The following UXS1 variants were observed in gnomAD, a reference collection of about 807,000 sequenced individuals.
UXS1 encodes the protein UDP-glucuronic acid decarboxylase 1.
In UXS1, 33 loss-of-function variants were observed where a neutral mutation model predicts 62.6. That is an observed-to-expected ratio of 0.53 (90% CI 0.40 to 0.70). The LOEUF (loss-of-function observed/expected upper bound fraction) is 0.70, where lower values mean the gene tolerates loss of function less well. UXS1 is among the 30% of genes least tolerant of loss of function. The probability of loss-of-function intolerance (pLI) is 0.00; values close to 1 mark genes in which losing one functional copy is unlikely to be tolerated. For missense variants in UXS1, 434 were observed against 556.3 expected (o/e 0.78, Z 2.21); for synonymous variants, 213 against 206.8 (o/e 1.03, Z -0.26).
At position 106,094,166 on chromosome 2, in the gene UXS1, A is replaced by G. The variant is rs1373478415; in HGVS notation, c.1147-9T>C. On this transcript the variant is annotated splice_polypyrimidine_tract_variant and intron_variant, in intron 14 of 14. Transcript: ENST00000283148. ...CCTTCCTCCAGCGGGACCTGTTTAA[A>G]GGGAAAGCAAGAAAGGGAGACAAGG... The G allele has an allele frequency of 1.2e-6, 2 of 1,607,986 alleles. No individual in the cohort carries two copies. The highest frequency in any genetic ancestry group is 1.7e-5 in the Admixed American group (1 of 59,264).
chr2:106,100,885 T>G, intron 12 of UXS1, 173 bp downstream of exon 12: 1 of 800,388 alleles, frequency 1.2e-6, no homozygotes, highest in Non-Finnish European at 2.0e-6. Flanking sequence ...TTTACTTCTT[T>G]GTATACTCTT....
rs116693573 is a variant in UXS1 at position 106,128,858 on chromosome 2, A to T, written c.577+816T>A. Among the ~76,000 whole-genome samples the T allele has an allele frequency of 2.7e-3, 412 of 152,282 alleles. 1 individual carries two copies. Among genetic ancestry groups the T allele is most frequent in the African/African-American group, 9.3e-3 (388 of 41,546 alleles). ...TCGACTCCACGCTTTGTTCAAATTA[A>T]AATTTAGTGCTGTATGTCCCAAGTC... On this transcript the variant is annotated intron_variant, in intron 7 of 14. Transcript: ENST00000283148.
chr2:106,143,331 C>T (rs1681278491), intron 6 of UXS1, among the ~76,000 whole-genome samples: 1 of 135,936 alleles, frequency 7.4e-6, no homozygotes. Context: ...ATGGCGTGAA[C>T]CCGGGAGGCA....
intron 9 of UXS1, among the ~76,000 whole-genome samples, chr2:106,114,382 C>CTCT (rs1678895180): frequency 1.3e-5 from 2 of 152,200 alleles, no homozygotes; most frequent in Non-Finnish European, 2.9e-5. Flanking sequence ...CTCCACCGAA[C>CTCT]TAATGAGTGT....
intron 3 of UXS1, among the ~76,000 whole-genome samples, chr2:106,164,112 A>G (rs772257934): frequency 1.3e-5 from 2 of 152,206 alleles, no homozygotes; most frequent in Admixed American, 6.5e-5. Flanking sequence ...GCTGCAGCAC[A>G]TAAATTGCAG....
chr2:106,137,419 C>T (rs1214805307), intron 6 of UXS1, among the ~76,000 whole-genome samples: 1 of 152,170 alleles, frequency 6.6e-6, no homozygotes, highest in Non-Finnish European at 1.5e-5. Context: ...GCCCCAGAAA[C>T]AGGCACTGTG....
At chr2:106,167,669 G>C (rs983651303) in intron 1 of UXS1, among the ~76,000 whole-genome samples, 1 of 152,004 alleles carries the variant, frequency 6.6e-6, no homozygotes, top group African/African-American at 2.4e-5. Flanking sequence ...CAGGGAAATG[G>C]GAGAAATTAA....
chr2:106,103,167 G>A (rs1208267626), intron 11 of UXS1, among the ~76,000 whole-genome samples: 1 of 152,232 alleles, frequency 6.6e-6, no homozygotes, highest in Non-Finnish European at 1.5e-5. Flanking sequence ...ACAGCACATA[G>A]CACAGGCATC....
chr2:106,130,339 C>T (rs925729670), intron 6 of UXS1, among the ~76,000 whole-genome samples: 3 of 152,160 alleles, frequency 2.0e-5, no homozygotes, highest in Admixed American at 1.3e-4. Flanking sequence ...GAAAGGCATT[C>T]ACTTTAACGT....
At chr2:106,178,246 G>A (rs371773152) in intron 1 of UXS1, among the ~76,000 whole-genome samples, 21 of 152,074 alleles carry the variant, frequency 1.4e-4, no homozygotes, top group Non-Finnish European at 1.8e-4. Context: ...CACTTCTCCC[G>A]TCTTTACACG....
chr2:106,162,558 A>G (rs992814814), intron 4 of UXS1, among the ~76,000 whole-genome samples: 7 of 152,240 alleles, frequency 4.6e-5, no homozygotes, highest in African/African-American at 1.4e-4. Context: ...AAAAGCTTCA[A>G]TTAAGATCTC....
chr2:106,149,932 T>C (rs936129094), intron 5 of UXS1, among the ~76,000 whole-genome samples: 3 of 152,084 alleles, frequency 2.0e-5, no homozygotes, highest in Non-Finnish European at 1.5e-5. Context: ...ATCAGAACAA[T>C]TGTGGAAATA....
chr2:106,126,743 C>A (rs188398026), intron 7 of UXS1, among the ~76,000 whole-genome samples: 111 of 152,242 alleles, frequency 7.3e-4, no homozygotes, highest in African/African-American at 1.9e-3. Context: ...CCCAGATTCC[C>A]CCAATGCTAA....
intron 5 of UXS1, among the ~76,000 whole-genome samples, chr2:106,147,591 T>C (rs886605294): frequency 2.6e-5 from 4 of 151,656 alleles, no homozygotes; most frequent in Non-Finnish European, 5.9e-5. Context: ...TCAAAATAAA[T>C]AAAATAAAAT....
At chr2:106,139,560 G>C (rs947845389) in intron 6 of UXS1, among the ~76,000 whole-genome samples, 1 of 152,188 alleles carries the variant, frequency 6.6e-6, no homozygotes, top group Non-Finnish European at 1.5e-5. Flanking sequence ...CATAGGAGGA[G>C]AACAACTCGG....
At chr2:106,096,205 T>C (rs894179557) in intron 14 of UXS1, among the ~76,000 whole-genome samples, 1 of 151,470 alleles carries the variant, frequency 6.6e-6, no homozygotes, top group Non-Finnish European at 1.5e-5. Context: ...TGTGTGTGTG[T>C]ATGTATGTGG....
At chr2:106,122,618 C>T (rs1442610488) in intron 9 of UXS1, among the ~76,000 whole-genome samples, 2 of 152,134 alleles carry the variant, frequency 1.3e-5, no homozygotes, top group Admixed American at 1.3e-4. Flanking sequence ...CATTTTTTTA[C>T]TTAATTGATA....
At chr2:106,112,583 T>C (rs190377616) in intron 10 of UXS1, 63 bp downstream of exon 10, 3 of 1,591,432 alleles carry the variant, frequency 1.9e-6, no homozygotes, top group Non-Finnish European at 2.6e-6. Flanking sequence ...TTATCCCTCA[T>C]CCTTTGTGAG....
intron 12 of UXS1, among the ~76,000 whole-genome samples, chr2:106,099,221 A>T (rs1677381908): frequency 6.6e-6 from 1 of 152,324 alleles, no homozygotes; most frequent in Non-Finnish European, 1.5e-5. Context: ...CTAAGGCAGA[A>T]ATGAGTAGGC....
Sources: allele counts gnomAD v4.1 joint callset (sites outside exome capture counted in the v4.1 genomes callset), GRCh38; gene constraint gnomAD v4.1.1; transcripts MANE v1.5; gene names NCBI Gene and HGNC (gene_info 2026-07-23, HGNC 2026-07-21).